Variants in MAPK6 observed in about 807,000 individuals in gnomAD.
The protein encoded by MAPK6 is mitogen-activated protein kinase 6.
In MAPK6, 19 loss-of-function variants were observed where a neutral mutation model predicts 59.3. That is an observed-to-expected ratio of 0.32 (90% confidence interval 0.22 to 0.47). The LOEUF (loss-of-function observed/expected upper bound fraction) is 0.47. MAPK6 is among the 20% of genes least tolerant of loss of function. The pLI, the probability that MAPK6 is intolerant of heterozygous loss-of-function variation, is 1.00. For synonymous variants in MAPK6, 316 were observed against 290.3 expected (o/e 1.09, Z -0.90); for missense variants, 724 against 847.9 (o/e 0.85, Z 1.81).
intron 2 of MAPK6, among the ~76,000 whole-genome samples, chr15:51,998,975 C>T (rs548492615): frequency 6.7e-6 from 1 of 149,116 alleles, no homozygotes; most frequent in South Asian, 2.1e-4. Context: ...CAGGCAGGAG[C>T]CACCGCGCCC....
rs575460571 is a variant in MAPK6, at chr15:52,008,478, G to A, written c.-632+4076G>A. Among the ~76,000 whole-genome samples, 11 of 152,206 alleles carry A rather than the reference G, an allele frequency of 7.2e-5. 1 individual carries two copies. The South Asian group carries it at 1.0e-3, about 14-fold the overall frequency. On this transcript the variant is annotated intron_variant, in intron 3 of 7. Coordinates refer to the MAPK6 transcript ENST00000691380. Reference sequence around the variant, plus strand: ...TTGTCTTGCTGAATTCTGATGCACCGCGGGCTCACCAGAATCCTGTGCACA... The same window carrying A: ...TTGTCTTGCTGAATTCTGATGCACCACGGGCTCACCAGAATCCTGTGCACA...
In MAPK6 at chr15:52,058,620, T is replaced by C. The variant is rs1286610561; in HGVS notation, c.701-13T>C. 6.3e-7 allele frequency: 1 copy of C among 1,580,070 alleles called. No homozygotes were observed. The highest frequency in any genetic ancestry group is 1.4e-5 in the African/African-American group (1 of 73,596). ...TTGAGGAATGTGTTTTTTTGTTTGTTTTTTAACCTCAGGTGCACATGAACT... is the reference window on the plus strand; with the variant it reads ...TTGAGGAATGTGTTTTTTTGTTTGTCTTTTAACCTCAGGTGCACATGAACT... On this transcript the variant is annotated splice_polypyrimidine_tract_variant and intron_variant, in intron 3 of 5. Transcript: ENST00000261845.
Position 52,048,186 on chromosome 15 carries a change from G to T in MAPK6, c.555+1171G>T, listed in dbSNP as rs183231870. 2.1e-3 allele frequency among the ~76,000 whole-genome samples: 327 copies of T among 152,094 alleles called. 2 individuals are homozygous for T. Among genetic ancestry groups the T allele is most frequent in the East Asian group, 2.7e-3 (14 of 5,122 alleles). ...TTTTTTGAGACTGAGTTGTGCTCTT[G>T]TCACCAAGGCTGGAGTGCAATAGTG... On this transcript the variant is annotated intron_variant, in intron 2 of 5. Transcript: ENST00000261845.
Position 52,064,617 on chromosome 15 carries a change from A to C in MAPK6, c.1783A>C (p.Ser595Arg). 3 of 1,611,862 alleles carry C rather than the reference A, an allele frequency of 1.9e-6. No homozygotes were observed. Among genetic ancestry groups the C allele is most frequent in the Non-Finnish European group, 2.5e-6 (3 of 1,179,726 alleles). Residue 595 changes from serine to arginine, a missense_variant, in exon 6 of 6, where the codon AGC becomes CGC. Around this residue, in one of 4 missense-constraint regions of MAPK6, gnomAD observed 502 missense variants for 507.6 expected, o/e 0.99. Transcript: ENST00000261845. The stretch of plus-strand genomic sequence containing the variant: ...AGCCTTGTACCAGTCTTCTTGGGAC[A>C]GCCAGTTTGTGAGTGGTGGGGAGGA... Reference protein sequence around the residue: ...LEALYQSSWDSQFVSGGEDCF... With the variant: ...LEALYQSSWDRQFVSGGEDCF...
At chr15:51,980,111 A>G (rs370194434) in intron 1 of MAPK6, among the ~76,000 whole-genome samples, 6 of 151,794 alleles carry the variant, frequency 4.0e-5, no homozygotes, top group East Asian at 3.9e-4. Flanking sequence ...CCTGGCCAAC[A>G]TGGTGAAACC....
rs930444784 is a variant in MAPK6 at position 52,067,171 on chromosome 15, A to G, written c.*2171A>G. ...AACTTGGCTCCTGGACTTAATCCAC[A>G]TTCGTTAAACTGTCACCTTGGCAGT... On this transcript the variant is annotated 3_prime_UTR_variant, in exon 6 of 6. Coordinates refer to ENST00000261845, the MANE Select transcript of MAPK6 (RefSeq NM_002748.4). 1.4e-4 allele frequency: 21 copies of G among 152,166 alleles called. No individual in the cohort carries two copies. The highest frequency in any genetic ancestry group is 2.9e-5 in the Non-Finnish European group (2 of 68,028). The allele number at this position is 152,166 out of a possible 1,614,324, so 9.4% of individuals were successfully genotyped here. A position where few individuals can be genotyped will look rare whatever the true frequency, so the allele number is the denominator to read the frequency against.
At chr15:52,058,512 A>C in intron 3 of MAPK6, 121 bp from the exon 4 acceptor site, 1 of 741,850 alleles carries the variant, frequency 1.3e-6, no homozygotes, top group Non-Finnish European at 2.1e-6. Flanking sequence ...AAACCTGCTG[A>C]TGATACAATT....
rs1480162460 is a variant in MAPK6 at position 52,046,602 on chromosome 15, A to G, written c.142A>G (p.Ile48Val). 4 of 1,614,110 alleles carry G rather than the reference A, an allele frequency of 2.5e-6. No individual in the cohort carries two copies. The highest frequency in any genetic ancestry group is 3.4e-6 in the Non-Finnish European group (4 of 1,180,036). ...CAATGACTGTGACAAAAGAGTAGCC[A>G]TCAAGAAAATTGTCCTTACTGATCC... ...VDNDCDKRVA[I>V]KKIVLTDPQS... is the part of the protein sequence containing the mutation. The change falls in exon 2 of 6, where the codon ATC becomes GTC. Residue 48 changes from isoleucine to valine, a missense_variant. Coordinates refer to ENST00000261845, the MANE Select transcript of MAPK6 (RefSeq NM_002748.4).
chr15:52,039,562 C>G (rs1393960885), intron 1 of MAPK6, among the ~76,000 whole-genome samples: 1 of 132,676 alleles, frequency 7.5e-6, no homozygotes, highest in African/African-American at 2.9e-5. Context: ...GTTGCCCAAG[C>G]TGGAGTGCAG....
intron 1 of MAPK6, among the ~76,000 whole-genome samples, chr15:52,038,478 A>G (rs745310035): frequency 1.4e-4 from 22 of 152,196 alleles, no homozygotes; most frequent in Non-Finnish European, 3.1e-4. Flanking sequence ...TCTCTGCTAC[A>G]TTGCATGTAA....
At chr15:52,031,305 A>G (rs1419102757) in intron 1 of MAPK6, among the ~76,000 whole-genome samples, 1 of 152,204 alleles carries the variant, frequency 6.6e-6, no homozygotes, top group Admixed American at 6.5e-5. Flanking sequence ...TATGTACTAT[A>G]CTTGTCAATA....
intron 2 of MAPK6, among the ~76,000 whole-genome samples, chr15:51,992,558 C>A (rs1451402826): frequency 6.6e-6 from 1 of 151,952 alleles, no homozygotes; most frequent in East Asian, 1.9e-4. Context: ...CCCACCTCGG[C>A]CTCCCAAAGA....
intron 1 of MAPK6, among the ~76,000 whole-genome samples, chr15:51,979,762 C>A (rs2057167947): frequency 6.6e-6 from 1 of 151,636 alleles, no homozygotes; most frequent in Non-Finnish European, 1.5e-5. Context: ...CCACTGCACT[C>A]CAGCCTGGGT....
chr15:52,048,537 G>C (rs2031668445), intron 2 of MAPK6, among the ~76,000 whole-genome samples: 2 of 152,144 alleles, frequency 1.3e-5, no homozygotes. Flanking sequence ...GAATCCAGGA[G>C]GTGGAGGTTG....
At chr15:51,998,630 C>T (rs2057232810) in intron 2 of MAPK6, among the ~76,000 whole-genome samples, 1 of 148,758 alleles carries the variant, frequency 6.7e-6, no homozygotes, top group Non-Finnish European at 1.5e-5. Flanking sequence ...AAGAGATTCT[C>T]CTGCCTCGGC....
chr15:52,062,317 G>T (rs549697259), intron 5 of MAPK6, among the ~76,000 whole-genome samples: 125 of 151,780 alleles, frequency 8.2e-4, no homozygotes, highest in Non-Finnish European at 1.2e-3. Flanking sequence ...GTGAACCACC[G>T]TACTCAGCCA....
rs981095563 is a variant in MAPK6, at chr15:52,053,722, C to G, written c.700+3585C>G. Among the ~76,000 whole-genome samples, 8 of 152,070 alleles carry G rather than the reference C, an allele frequency of 5.3e-5. No individual in the cohort carries two copies. In the South Asian group the frequency reaches 1.7e-3, roughly 32 times the overall value. On this transcript the variant is annotated intron_variant, in intron 3 of 5. Coordinates refer to ENST00000261845, the MANE Select transcript of MAPK6 (RefSeq NM_002748.4). ...TGGCATGATCTCGGCTCACTGCAGTCTCTCCCTCCTGGGTTCAAGCAATTC... is the reference window on the plus strand; with the variant it reads ...TGGCATGATCTCGGCTCACTGCAGTGTCTCCCTCCTGGGTTCAAGCAATTC...
At chr15:52,047,644 C>G (rs75851669) in intron 2 of MAPK6, among the ~76,000 whole-genome samples, 1 of 146,060 alleles carries the variant, frequency 6.8e-6, no homozygotes. Context: ...CCATGCCCAG[C>G]CTTTTTTTTT....
chr15:52,049,083 C>G (rs1366660845), intron 2 of MAPK6, among the ~76,000 whole-genome samples: 1 of 152,156 alleles, frequency 6.6e-6, no homozygotes, highest in Non-Finnish European at 1.5e-5. Flanking sequence ...ATCACAATCT[C>G]TCAGGGTAGT....
Sources: gnomAD v4.1 joint callset for allele counts (sites outside exome capture counted in the v4.1 genomes callset) on GRCh38, gnomAD v4.1.1 for gene constraint, gnomAD v4.1.1 regional missense constraint, MANE v1.5 for transcripts, NCBI Gene and HGNC (gene_info 2026-07-23, HGNC 2026-07-21) for gene names.